The following DISC1 variants were observed in gnomAD, a reference collection of about 807,000 sequenced individuals.
The protein encoded by DISC1 is DISC1 scaffold protein, also known as disrupted in schizophrenia 1 protein.
DISC1 carries 57 observed loss-of-function variants against 84.5 expected under a neutral mutation model. That is an observed-to-expected ratio of 0.67 (90% CI 0.55 to 0.84). DISC1 has a LOEUF of 0.84. Ranked by LOEUF, DISC1 falls within the 40% of genes least tolerant of loss-of-function variation. The pLI is 0.00. For synonymous variants in DISC1, 411 were observed against 415.2 expected (o/e 0.99, Z 0.12); for missense variants, 1,000 against 1,057.8 (o/e 0.95, Z 0.76).
intron 9 of DISC1, among the ~76,000 whole-genome samples, chr1:231,847,385 A>T (rs2083529794): frequency 6.6e-6 from 1 of 152,186 alleles, no homozygotes; most frequent in African/African-American, 2.4e-5. Context: ...GATTCAACAT[A>T]TAAGTTTTGG....
At chr1:231,639,684 G>A (rs2059476199) in intron 1 of DISC1, among the ~76,000 whole-genome samples, 1 of 151,946 alleles carries the variant, frequency 6.6e-6, no homozygotes, top group African/African-American at 2.4e-5. Flanking sequence ...TTGTGAAAAT[G>A]GGGATAATAT....
chr1:231,787,247 A>G (rs1190189852), intron 6 of DISC1, among the ~76,000 whole-genome samples: 1 of 152,144 alleles, frequency 6.6e-6, no homozygotes, highest in African/African-American at 2.4e-5. Flanking sequence ...GTTACTACAG[A>G]CTGAGTAATT....
In DISC1 at chr1:232,016,038, C is replaced by T. The variant is rs1053272141; in HGVS notation, c.2307+6989C>T. Among the ~76,000 whole-genome samples, 8 of 152,164 alleles carry T rather than the reference C, an allele frequency of 5.3e-5. No homozygotes were observed. In the East Asian group the frequency reaches 9.6e-4, roughly 18 times the overall value. On this transcript the variant is annotated intron_variant, in intron 11 of 12. Transcript: ENST00000439617. ...AAAGAGTAGATACCACCAACCATAG[C>T]ATCTCTATCTCTTTCCAGCAAACTA... is the stretch of plus-strand genomic sequence containing the variant.
At chr1:231,650,661 C>T (rs866023602) in intron 1 of DISC1, among the ~76,000 whole-genome samples, 28 of 152,208 alleles carry the variant, frequency 1.8e-4, no homozygotes, top group African/African-American at 6.3e-4. Flanking sequence ...GAGTGTTTTC[C>T]AACTTGGTTC....
chr1:232,009,227 T>C lies in DISC1; in HGVS notation c.2307+178T>C, dbSNP rs191244400. On this transcript the variant is annotated intron_variant, in intron 11 of 12. Coordinates refer to ENST00000439617, the MANE Select transcript of DISC1 (RefSeq NM_018662.3). This position sits in a 1 kb window ranked among gnomAD's most constrained non-coding sequence, Gnocchi z 4.6. ...AATAAAGTAGAATTTTTGTAGAAGT[T>C]TGAAATATAGAAGAGCAAAAAAACC... 1.8e-5 allele frequency: 26 copies of C among 1,416,814 alleles called. No homozygotes were observed. In the African/African-American group the frequency reaches 3.2e-4, roughly 17 times the overall value. The allele number at this position is 1,416,814 out of a possible 1,614,324, so 87.8% of individuals were successfully genotyped here.
At chr1:231,627,453 T>C (rs1410204561) in intron 1 of DISC1, among the ~76,000 whole-genome samples, 5 of 152,334 alleles carry the variant, frequency 3.3e-5, no homozygotes, top group Admixed American at 3.3e-4. Context: ...GACCAGGAAC[T>C]GGTGCCTGTG....
intron 12 of DISC1, among the ~76,000 whole-genome samples, chr1:232,036,307 C>T (rs1055690307): frequency 5.9e-5 from 9 of 152,176 alleles, no homozygotes; most frequent in Non-Finnish European, 1.2e-4. Flanking sequence ...AAGCATTCTA[C>T]CCTTTCCACT....
rs764729428 is a variant in DISC1 at position 231,765,381 on chromosome 1, A to T, written c.1269-1759A>T. On this transcript the variant is annotated intron_variant, in intron 4 of 12. Coordinates refer to ENST00000439617, the MANE Select transcript of DISC1 (RefSeq NM_018662.3). ...GGTGTGCATCACCACGCTCAGCTGT[A>T]TTCCATCTTTTTGGAATTTCTGGTT... Among the ~76,000 whole-genome samples, 6 of 152,084 alleles carry T rather than the reference A, an allele frequency of 3.9e-5. No homozygotes were observed. The East Asian group carries it at 1.2e-3, about 29-fold the overall frequency.
chr1:231,890,664 C>T (rs1172774558), intron 9 of DISC1, among the ~76,000 whole-genome samples: 1 of 152,146 alleles, frequency 6.6e-6, no homozygotes, highest in Non-Finnish European at 1.5e-5. Flanking sequence ...GATGGTTGCA[C>T]AGTAGTGTGT....
chr1:231,996,631 G>C (rs1216174614), intron 10 of DISC1, among the ~76,000 whole-genome samples: 1 of 152,048 alleles, frequency 6.6e-6, no homozygotes. Flanking sequence ...AAAATGGATA[G>C]AAACCTACAA....
Position 232,008,804 on chromosome 1 carries a change from G to C in DISC1, c.2062G>C (p.Gly688Arg), listed in dbSNP as rs1278921712. ...TCTCAGCTGCAAGTGTCCACTGCTT[G>C]GGAAAGTGTGGGAAGCTGACTTGGA... is the stretch of plus-strand genomic sequence containing the variant. ...KLCSCKCPLL[G>R]KVWEADLEAC... The change falls in exon 11 of 13, where the codon GGG (glycine) becomes CGG (arginine). Residue 688 changes from glycine (G) to arginine (R), a missense_variant. Transcript: ENST00000439617. The C allele has an allele frequency of 1.3e-6, 2 of 1,582,096 alleles. No individual in the cohort carries two copies. Among genetic ancestry groups the C allele is most frequent in the Non-Finnish European group, 1.7e-6 (2 of 1,163,770 alleles).
intron 11 of DISC1, among the ~76,000 whole-genome samples, chr1:232,022,878 C>T (rs1435730933): frequency 6.6e-6 from 1 of 152,140 alleles, no homozygotes; most frequent in African/African-American, 2.4e-5. Context: ...AGTAGAGGTT[C>T]CTGCACAAGC....
chr1:231,923,014 A>G (rs1187917003), intron 9 of DISC1, among the ~76,000 whole-genome samples: 1 of 152,166 alleles, frequency 6.6e-6, no homozygotes, highest in Non-Finnish European at 1.5e-5. Context: ...GTGGTGGCTC[A>G]CGCCTGCAAT....
intron 1 of DISC1, among the ~76,000 whole-genome samples, chr1:231,666,489 T>G (rs1033357192): frequency 2.6e-5 from 4 of 152,140 alleles, no homozygotes; most frequent in African/African-American, 9.7e-5. Flanking sequence ...TGACAATCAG[T>G]GTCAGCTAAG....
At chr1:231,867,777 A>G (rs2085164641) in intron 9 of DISC1, among the ~76,000 whole-genome samples, 1 of 152,236 alleles carries the variant, frequency 6.6e-6, no homozygotes, top group Non-Finnish European at 1.5e-5. Flanking sequence ...TTACAAACTG[A>G]AGAACTGGAA....
At chr1:232,005,518 T>A (rs866391791) in intron 10 of DISC1, among the ~76,000 whole-genome samples, 1 of 152,206 alleles carries the variant, frequency 6.6e-6, no homozygotes, top group South Asian at 2.1e-4. Flanking sequence ...GGCCTAGGTA[T>A]GTGTTTTCTT....
intron 6 of DISC1, among the ~76,000 whole-genome samples, chr1:231,776,967 G>A (rs1044590481): frequency 2.0e-5 from 3 of 152,100 alleles, no homozygotes; most frequent in South Asian, 4.1e-4. Context: ...CTGGAGTCAC[G>A]CACAGACTGC....
chr1:231,732,201 G>A (rs2125185582), intron 3 of DISC1, among the ~76,000 whole-genome samples: 1 of 152,332 alleles, frequency 6.6e-6, no homozygotes, highest in East Asian at 1.9e-4. Flanking sequence ...GAGTTTGATA[G>A]CATAGCAAGG....
At chr1:231,837,322 C>A (rs901145053) in intron 9 of DISC1, among the ~76,000 whole-genome samples, 2 of 152,260 alleles carry the variant, frequency 1.3e-5, no homozygotes, top group African/African-American at 2.4e-5. Flanking sequence ...TGTTAAGGCA[C>A]TTGTATGCAA....
Sources: gnomAD v4.1 joint callset for allele counts (sites outside exome capture counted in the v4.1 genomes callset) on GRCh38, gnomAD v4.1.1 for gene constraint, Gnocchi (gnomAD v3.1) non-coding constraint, MANE v1.5 for transcripts, NCBI Gene and HGNC (gene_info 2026-07-23, HGNC 2026-07-21) for gene names.